CSMD2: variants seen among roughly 807,000 people sequenced by gnomAD.
CSMD2 encodes CUB and sushi domain-containing protein 2.
A neutral mutation model predicts 398.5 loss-of-function variants in CSMD2; 130 were observed. The ratio of observed to expected loss-of-function variants is 0.33; its 90% CI spans 0.28 to 0.38. The LOEUF (loss-of-function observed/expected upper bound fraction) is 0.38, where lower values mean the gene tolerates loss of function less well. Among genes scored for constraint, CSMD2 ranks in the 10% least tolerant of loss-of-function variants. CSMD2 has a pLI of 1.00. For synonymous variants in CSMD2, 1,828 were observed against 1,908.5 expected, an observed-to-expected ratio of 0.96 and a Z score of 1.10; for missense variants, 3,829 against 4,764.9, an observed-to-expected ratio of 0.80 and a Z score of 5.78.
At chr1:34,067,872 T>C (rs1022788407) in intron 2 of CSMD2, among the ~76,000 whole-genome samples, 11 of 152,168 alleles carry the variant, frequency 7.2e-5, no homozygotes, top group Non-Finnish European at 1.2e-4. Flanking sequence ...CCACTTACAA[T>C]ATGTGATGCA....
chr1:33,673,011 A>G (rs1456673010), intron 25 of CSMD2, among the ~76,000 whole-genome samples: 1 of 152,226 alleles, frequency 6.6e-6, no homozygotes, highest in Non-Finnish European at 1.5e-5. Context: ...AAAGATGGGG[A>G]AAAAACAGAG....
Position 33,792,535 on chromosome 1 carries a change from G to T in CSMD2, c.1447-9C>A. On this transcript the variant is annotated splice_polypyrimidine_tract_variant and intron_variant, in intron 10 of 70. Coordinates refer to ENST00000373381, the MANE Select transcript of CSMD2 (RefSeq NM_001281956.2). Reference sequence around the variant, plus strand: ...AAGGCGAGCTTGATCACCTAGGGAGGGAACACAGGGTTAGGAGCAGGCAGG... The same window carrying T: ...AAGGCGAGCTTGATCACCTAGGGAGTGAACACAGGGTTAGGAGCAGGCAGG... 1 of 1,597,132 alleles carries T rather than the reference G, an allele frequency of 6.3e-7. No homozygotes were observed. Among genetic ancestry groups the T allele is most frequent in the South Asian group, 1.1e-5 (1 of 90,684 alleles).
intron 2 of CSMD2, among the ~76,000 whole-genome samples, chr1:34,077,918 T>C (rs375234445): frequency 2.6e-5 from 4 of 152,148 alleles, no homozygotes; most frequent in South Asian, 2.1e-4. Flanking sequence ...AACCAGCACA[T>C]GTAACCTCCG....
In CSMD2 at chr1:34,164,838, T is replaced by C. The variant is rs979848039; in HGVS notation, c.187+73A>G. On this transcript the variant is annotated intron_variant, in intron 1 of 70. Coordinates refer to ENST00000373381, the MANE Select transcript of CSMD2 (RefSeq NM_001281956.2). This position sits in a 1 kb window ranked among gnomAD's most constrained non-coding sequence, Gnocchi z 6.2. ...GGCGGGGGGAGGGACTGGGACCGGG[T>C]CGAGGATGGGTGGGCTCGGGGCTCG... The C allele has an allele frequency of 2.8e-6, 3 of 1,053,662 alleles. No homozygotes were observed. The highest frequency in any genetic ancestry group is 2.3e-6 in the Non-Finnish European group (2 of 869,826). The allele number at this position is 1,053,662 out of a possible 1,614,324, so 65.3% of individuals were successfully genotyped here.
rs1662157710 is a variant in CSMD2 at position 34,121,250 on chromosome 1, T to C, written c.188-32057A>G. Among the ~76,000 whole-genome samples, 3 of 152,188 alleles carry C rather than the reference T, an allele frequency of 2.0e-5. No individual in the cohort carries two copies. In the South Asian group the frequency reaches 6.2e-4, roughly 31 times the overall value. On this transcript the variant is annotated intron_variant, in intron 1 of 70. Coordinates refer to ENST00000373381, the MANE Select transcript of CSMD2 (RefSeq NM_001281956.2). ...AGAAAAGAGGAGAGGGAGGAAGACA[T>C]GTAACAGACTAGGAAGGACAGATGT...
chr1:34,037,365 G>C (rs1651277898), intron 2 of CSMD2, among the ~76,000 whole-genome samples: 1 of 152,176 alleles, frequency 6.6e-6, no homozygotes, highest in Non-Finnish European at 1.5e-5. Context: ...TCAGGCCACA[G>C]GGCCCCCGTT....
At chr1:33,749,100 T>C (rs976453918) in intron 13 of CSMD2, among the ~76,000 whole-genome samples, 28 of 137,286 alleles carry the variant, frequency 2.0e-4, no homozygotes, top group African/African-American at 7.5e-4. Context: ...TTCTTTTTTT[T>C]TTTTTTTTTT....
intron 22 of CSMD2, among the ~76,000 whole-genome samples, chr1:33,703,881 A>G (rs1434802169): frequency 3.3e-5 from 5 of 152,224 alleles, no homozygotes; most frequent in Non-Finnish European, 7.3e-5. Flanking sequence ...TGATGAGTGT[A>G]AAGTGGTATC....
At position 33,838,016 on chromosome 1, in the gene CSMD2, G is replaced by A. The variant is rs142915736; in HGVS notation, c.1033+8868C>T. On this transcript the variant is annotated intron_variant, in intron 6 of 70. Transcript: ENST00000373381. The stretch of plus-strand genomic sequence containing the variant: ...ACTGGGCTGAGCTAGTGGGAGACAA[G>A]GACCTGTTAGGAGAGGAGAGAGCAA... Among the ~76,000 whole-genome samples, 107 of 152,332 alleles carry A rather than the reference G, an allele frequency of 7.0e-4. 1 individual carries two copies. The highest frequency in any genetic ancestry group is 3.4e-3 in the Middle Eastern group (1 of 294).
chr1:33,846,696 T>C lies in CSMD2; in HGVS notation c.1033+188A>G, dbSNP rs139584255. Among the ~76,000 whole-genome samples, 824 of 152,302 alleles carry C rather than the reference T, an allele frequency of 5.4e-3. 8 individuals carry two copies. Among genetic ancestry groups the C allele is most frequent in the African/African-American group, 0.019 (775 of 41,570 alleles). ...CTACATAATTTGGGAAACATCCCTC[T>C]CTGGGGCAAAAGACAAGGGCAGATG... On this transcript the variant is annotated intron_variant, in intron 6 of 70. Transcript: ENST00000373381.
At chr1:34,023,607 G>A in intron 3 of CSMD2, among the ~76,000 whole-genome samples, 1 of 152,130 alleles carries the variant, frequency 6.6e-6, no homozygotes, top group East Asian at 1.9e-4. Context: ...TTTGACCAAA[G>A]GTTTTGTCAG....
At chr1:33,584,334 C>A (rs1638926858) in intron 46 of CSMD2, among the ~76,000 whole-genome samples, 1 of 152,158 alleles carries the variant, frequency 6.6e-6, no homozygotes, top group Non-Finnish European at 1.5e-5. Context: ...CTATCTCCAA[C>A]ACAGAGATAA....
intron 10 of CSMD2, among the ~76,000 whole-genome samples, chr1:33,809,922 A>G (rs1175837279): frequency 1.3e-5 from 2 of 152,150 alleles, no homozygotes; most frequent in Non-Finnish European, 2.9e-5. Flanking sequence ...AACGATAAAT[A>G]TAAGATATTT....
Position 33,537,114 on chromosome 1 carries a change from G to A in CSMD2, c.9806-19C>T. On this transcript the variant is annotated intron_variant, in intron 61 of 70. Transcript: ENST00000373381. This position sits in a 1 kb window ranked among gnomAD's most constrained non-coding sequence, Gnocchi z 4.6. ...GTCGGATCTGGATGGCCAAAACAAA[G>A]ACACAGATCACATGGTCATGGAAGC... is the stretch of plus-strand genomic sequence containing the variant. 2 of 1,613,868 alleles carry A rather than the reference G, an allele frequency of 1.2e-6. No individual in the cohort carries two copies. Among genetic ancestry groups the A allele is most frequent in the Non-Finnish European group, 1.7e-6 (2 of 1,179,778 alleles).
chr1:33,819,791 G>C lies in CSMD2; in HGVS notation c.1246C>G (p.Gln416Glu). The part of the protein sequence containing the change: ...QFTCNEGYDL[Q>E]GSKRITCMKV... ...ATACAGGTGATCCGCTTGGACCCTTGCAGGTCATAGCCCTCGTTGCAGGTG... is the reference window on the plus strand; with the variant it reads ...ATACAGGTGATCCGCTTGGACCCTTCCAGGTCATAGCCCTCGTTGCAGGTG... The change falls in exon 9 of 71, where the codon CAA becomes GAA. Residue 416 changes from glutamine (Q) to glutamate (E), a missense_variant. Physicochemically the swap from Gln to Glu is conservative, Grantham distance 29 (BLOSUM62 2). Around this residue, in one of 5 missense-constraint regions of CSMD2, gnomAD observed 2,001 missense variants for 2,567.1 expected, o/e 0.78. Coordinates refer to ENST00000373381, the MANE Select transcript of CSMD2 (RefSeq NM_001281956.2). 6.2e-7 allele frequency: 1 copy of C among 1,614,020 alleles called. No homozygotes were observed. The highest frequency in any genetic ancestry group is 8.5e-7 in the Non-Finnish European group (1 of 1,179,926).
chr1:33,685,935 A>C (rs1351336276), intron 25 of CSMD2, among the ~76,000 whole-genome samples: 1 of 152,202 alleles, frequency 6.6e-6, no homozygotes, highest in African/African-American at 2.4e-5. Flanking sequence ...GCAGGTAATC[A>C]TTGCATATTT....
At chr1:33,998,591 T>C (rs1646800134) in intron 3 of CSMD2, among the ~76,000 whole-genome samples, 1 of 152,202 alleles carries the variant, frequency 6.6e-6, no homozygotes, top group East Asian at 1.9e-4. Flanking sequence ...TGTAGACTCC[T>C]AGCCTGGCAG....
At chr1:33,690,201 C>T (rs1018991120) in intron 25 of CSMD2, among the ~76,000 whole-genome samples, 8 of 152,312 alleles carry the variant, frequency 5.3e-5, no homozygotes, top group Middle Eastern at 3.4e-3. Flanking sequence ...AATGCCGCCA[C>T]CCACCAAATC....
chr1:33,800,907 G>A (rs1402077868), intron 10 of CSMD2, among the ~76,000 whole-genome samples: 5 of 152,184 alleles, frequency 3.3e-5, no homozygotes, highest in East Asian at 1.9e-4. Flanking sequence ...ACCTCTGATC[G>A]CAGGTGTCTT....
Sources: allele counts gnomAD v4.1 joint callset (sites outside exome capture counted in the v4.1 genomes callset), GRCh38; gene constraint gnomAD v4.1.1; regional missense constraint gnomAD v4.1.1; non-coding constraint Gnocchi (gnomAD v3.1); transcripts MANE v1.5; gene names NCBI Gene and HGNC (gene_info 2026-07-23, HGNC 2026-07-21).